Variants in PPFIA2 observed in about 807,000 individuals in gnomAD.
PPFIA2 encodes liprin-alpha-2.
A neutral mutation model predicts 175.5 loss-of-function variants in PPFIA2; 46 were observed. That is an observed-to-expected ratio of 0.26 (90% CI 0.21 to 0.34). PPFIA2 has a LOEUF of 0.34. Ranked by LOEUF, PPFIA2 falls within the 10% of genes least tolerant of loss-of-function variation. The pLI, the probability that PPFIA2 is intolerant of heterozygous loss-of-function variation, is 1.00. For missense variants in PPFIA2, 1,179 were observed against 1,506.1 expected (o/e 0.78, Z 3.60); for synonymous variants, 568 against 511.4 (o/e 1.11, Z -1.49).
At chr12:81,339,488 T>G (rs964646424) in intron 20 of PPFIA2, among the ~76,000 whole-genome samples, 154 bp from the exon 21 acceptor site, 7 of 139,158 alleles carry the variant, frequency 5.0e-5, no homozygotes, top group Admixed American at 4.9e-4. Context: ...TTAAATGCAG[T>G]TTTTTTTTTC....
chr12:81,307,141 G>A (rs760165163), intron 22 of PPFIA2, among the ~76,000 whole-genome samples: 1 of 151,848 alleles, frequency 6.6e-6, no homozygotes, highest in Non-Finnish European at 1.5e-5. Flanking sequence ...GAAATATTTT[G>A]TGATCAGCCC....
chr12:81,543,494 G>A (rs2066522383), intron 4 of PPFIA2, among the ~76,000 whole-genome samples: 1 of 152,044 alleles, frequency 6.6e-6, no homozygotes, highest in African/African-American at 2.4e-5. Flanking sequence ...ATAAATAAAT[G>A]ATGATATAAG....
At chr12:81,427,539 T>C (rs529280998) in intron 7 of PPFIA2, among the ~76,000 whole-genome samples, 13 of 152,148 alleles carry the variant, frequency 8.5e-5, no homozygotes, top group African/African-American at 3.1e-4. Context: ...AAAATGCATA[T>C]AGTGCTACAG....
Position 81,341,212 on chromosome 12 carries a change from G to T in PPFIA2, c.2263-4C>A. ...CATCTTCTTCCACAACTGCAATCTAGAAGCAAAAACAATACATTCAAATAA... is the reference window on the plus strand; with the variant it reads ...CATCTTCTTCCACAACTGCAATCTATAAGCAAAAACAATACATTCAAATAA... On this transcript the variant is annotated splice_region_variant and splice_polypyrimidine_tract_variant and intron_variant, in intron 19 of 32. Transcript: ENST00000549396. 6.2e-7 allele frequency: 1 copy of T among 1,608,556 alleles called. No individual in the cohort carries two copies. Among genetic ancestry groups the T allele is most frequent in the Non-Finnish European group, 8.5e-7 (1 of 1,176,976 alleles).
chr12:81,685,232 C>A (rs1248384682), intron 3 of PPFIA2, among the ~76,000 whole-genome samples: 1 of 152,002 alleles, frequency 6.6e-6, no homozygotes, highest in Non-Finnish European at 1.5e-5. Context: ...AGGCAAGCAT[C>A]CAAATAATGA....
chr12:81,577,354 T>C (rs953813296), intron 4 of PPFIA2, among the ~76,000 whole-genome samples: 3 of 151,884 alleles, frequency 2.0e-5, no homozygotes, highest in African/African-American at 7.2e-5. Flanking sequence ...AAGGTTCCTA[T>C]CCTGTGCACA....
chr12:81,725,499 A>T (rs781593809), intron 3 of PPFIA2, among the ~76,000 whole-genome samples: 4 of 150,940 alleles, frequency 2.7e-5, no homozygotes, highest in Non-Finnish European at 5.9e-5. Flanking sequence ...CGAACCTATT[A>T]GAAGGAAACC....
intron 3 of PPFIA2, among the ~76,000 whole-genome samples, chr12:81,717,660 A>C (rs1406901544): frequency 6.6e-6 from 1 of 151,740 alleles, no homozygotes; most frequent in Non-Finnish European, 1.5e-5. Flanking sequence ...TTGAGCACCA[A>C]TATATGCCAG....
At chr12:81,378,863 G>C (rs887705050) in intron 9 of PPFIA2, among the ~76,000 whole-genome samples, 1 of 152,080 alleles carries the variant, frequency 6.6e-6, no homozygotes, top group African/African-American at 2.4e-5. Context: ...CACCTTTTCC[G>C]TGCTTCACCT....
intron 4 of PPFIA2, among the ~76,000 whole-genome samples, chr12:81,521,432 AGTGG>A (rs1209225372): frequency 6.6e-6 from 1 of 152,208 alleles, no homozygotes; most frequent in Non-Finnish European, 1.5e-5. Flanking sequence ...TATCATCCAC[AGTGG>A]TAAGTACAGT....
At chr12:81,659,924 G>A (rs997853061) in intron 4 of PPFIA2, among the ~76,000 whole-genome samples, 3 of 151,250 alleles carry the variant, frequency 2.0e-5, no homozygotes, top group Admixed American at 6.6e-5. Context: ...CAGCCTCCAC[G>A]CTCCAGGCAA....
chr12:81,467,108 A>T (rs2055804474), intron 4 of PPFIA2, among the ~76,000 whole-genome samples: 1 of 151,870 alleles, frequency 6.6e-6, no homozygotes, highest in African/African-American at 2.4e-5. Context: ...ATCTTCAAGC[A>T]TAATAATAAA....
At chr12:81,661,792 G>A (rs1329250519) in intron 4 of PPFIA2, among the ~76,000 whole-genome samples, 1 of 152,144 alleles carries the variant, frequency 6.6e-6, no homozygotes, top group Non-Finnish European at 1.5e-5. Flanking sequence ...TGACCACATA[G>A]TTGGAAGTAA....
intron 5 of PPFIA2, 61 bp from the exon 6 acceptor site, chr12:81,445,781 T>A (rs914382422): frequency 2.0e-6 from 3 of 1,485,278 alleles, no homozygotes; most frequent in Non-Finnish European, 2.7e-6. Flanking sequence ...TACTTACAAA[T>A]GACTTCCCCC....
chr12:81,612,099 C>A (rs1300284088), intron 4 of PPFIA2, among the ~76,000 whole-genome samples: 2 of 151,996 alleles, frequency 1.3e-5, no homozygotes, highest in East Asian at 3.9e-4. Context: ...ATTATGGTGG[C>A]TGACTTAATA....
At chr12:81,295,118 T>C in intron 23 of PPFIA2, 83 bp from the exon 24 acceptor site, 1 of 1,278,986 alleles carries the variant, frequency 7.8e-7, no homozygotes, top group South Asian at 1.3e-5. Flanking sequence ...TTATTTTATG[T>C]ATCTTACATA....
intron 4 of PPFIA2, among the ~76,000 whole-genome samples, chr12:81,508,736 G>A (rs2061462506): frequency 6.6e-6 from 1 of 150,694 alleles, no homozygotes; most frequent in South Asian, 2.1e-4. Context: ...CTAGCATTAG[G>A]TATATCTCCC....
rs534467567 is a variant in PPFIA2, at chr12:81,406,001, C to T, written c.646-98G>A. 110 of 605,094 alleles carry T rather than the reference C, an allele frequency of 1.8e-4. 1 individual carries two copies. The highest frequency in any genetic ancestry group is 1.8e-3 in the African/African-American group (96 of 52,814). The allele number at this position is 605,094 out of a possible 1,614,324, so 37.5% of individuals were successfully genotyped here. On this transcript the variant is annotated intron_variant, in intron 7 of 32. Coordinates refer to ENST00000549396, the MANE Select transcript of PPFIA2 (RefSeq NM_003625.5). ...CAATGTGGTTAAGAACTAATGAACA[C>T]TAACAAATAACCAGAAAGTGAACAT...
intron 4 of PPFIA2, among the ~76,000 whole-genome samples, chr12:81,639,324 A>G (rs1452871252): frequency 6.6e-6 from 1 of 152,132 alleles, no homozygotes; most frequent in Non-Finnish European, 1.5e-5. Context: ...ACCATCTGCA[A>G]GAAAAACAAC....
Sources: allele counts gnomAD v4.1 joint callset (sites outside exome capture counted in the v4.1 genomes callset), GRCh38; gene constraint gnomAD v4.1.1; transcripts MANE v1.5; gene names NCBI Gene and HGNC (gene_info 2026-07-23, HGNC 2026-07-21).